The following IFT57 variants were observed in gnomAD, a reference collection of about 807,000 sequenced individuals.
The protein encoded by IFT57 is intraflagellar transport protein 57 homolog.
In IFT57, 59 loss-of-function variants were observed where a neutral mutation model predicts 56.8. That is an observed-to-expected ratio of 1.04 (90% CI 0.84 to 1.29). The LOEUF is 1.29. IFT57 is among the 50% of genes most tolerant of loss of function. IFT57 has a pLI of 0.00. For synonymous variants in IFT57, 209 were observed against 186.1 expected, an observed-to-expected ratio of 1.12 and a Z score of -1.00; for missense variants, 470 against 522.1, an observed-to-expected ratio of 0.90 and a Z score of 0.97.
intron 4 of IFT57, among the ~76,000 whole-genome samples, chr3:108,208,036 C>T (rs2080322860): frequency 6.8e-6 from 1 of 147,760 alleles, no homozygotes; most frequent in African/African-American, 2.5e-5. Context: ...GAGCGAGACT[C>T]CGTCTCAAAA....
At chr3:108,165,914 C>A (rs2080059989) in intron 8 of IFT57, among the ~76,000 whole-genome samples, 1 of 152,006 alleles carries the variant, frequency 6.6e-6, no homozygotes, top group South Asian at 2.1e-4. Context: ...TCCCGTAAGA[C>A]AGTACACTCA....
chr3:108,212,372 C>A (rs576970486), intron 4 of IFT57, among the ~76,000 whole-genome samples: 174 of 152,242 alleles, frequency 1.1e-3, no homozygotes, highest in African/African-American at 3.9e-3. Flanking sequence ...GCATGCCCAC[C>A]CAACAATTTT....
In IFT57 at chr3:108,191,520, C is replaced by A. The variant is rs775640428; in HGVS notation, c.777+1G>T. ...AAGAAAATGTGTTCCCACTTTGATACCTTATTGTCAGTCCTAATCGTGACT... is the reference window on the plus strand; with the variant it reads ...AAGAAAATGTGTTCCCACTTTGATAACTTATTGTCAGTCCTAATCGTGACT... On this transcript the variant is annotated splice_donor_variant, in intron 6 of 10. Transcript: ENST00000264538. LOFTEE classifies it high-confidence loss of function. 1.3e-6 allele frequency: 2 copies of A among 1,574,314 alleles called. No individual in the cohort carries two copies. Among genetic ancestry groups the A allele is most frequent in the African/African-American group, 1.4e-5 (1 of 72,676 alleles).
At chr3:108,204,686 A>C (rs2080299744) in intron 5 of IFT57, among the ~76,000 whole-genome samples, 1 of 152,192 alleles carries the variant, frequency 6.6e-6, no homozygotes, top group Non-Finnish European at 1.5e-5. Flanking sequence ...CACCAACATT[A>C]CTAATTACAA....
intron 5 of IFT57, among the ~76,000 whole-genome samples, chr3:108,193,240 G>A (rs2080225686): frequency 6.6e-6 from 1 of 152,022 alleles, no homozygotes; most frequent in Non-Finnish European, 1.5e-5. Context: ...TATTTTTGTG[G>A]GAGACTGAGG....
At chr3:108,217,189 G>A (rs1054211120) in intron 3 of IFT57, among the ~76,000 whole-genome samples, 1 of 151,828 alleles carries the variant, frequency 6.6e-6, no homozygotes, top group Non-Finnish European at 1.5e-5. Context: ...CACATGTATC[G>A]AAACATCACA....
intron 6 of IFT57, among the ~76,000 whole-genome samples, chr3:108,181,122 C>G (rs1231422932): frequency 6.6e-6 from 1 of 151,966 alleles, no homozygotes; most frequent in East Asian, 1.9e-4. Context: ...TAAACGGAAC[C>G]TTTCTCTGAT....
rs759005617 is a variant in IFT57, at chr3:108,167,812, G to C, written c.830C>G (p.Ser277Cys). ...QMHQHRSGIE[S>C]ALKETKGFLD... The stretch of plus-strand genomic sequence containing the variant: ...ATATACCTTGGTCTCCTTTAGAGCA[G>C]ATTCAATTCCACTTCTGTGCTGGTG... Residue 277 changes from serine to cysteine, a missense_variant, in exon 7 of 11, where the codon TCT (serine) becomes TGT (cysteine). Physicochemically the swap from Ser to Cys is moderately radical, Grantham distance 112. Coordinates refer to ENST00000264538, the MANE Select transcript of IFT57 (RefSeq NM_018010.4). 1.3e-6 allele frequency: 2 copies of C among 1,590,618 alleles called. No individual in the cohort carries two copies. Among genetic ancestry groups the C allele is most frequent in the Non-Finnish European group, 1.7e-6 (2 of 1,169,012 alleles).
chr3:108,166,092 A>C (rs938214940), intron 8 of IFT57, among the ~76,000 whole-genome samples: 2 of 152,072 alleles, frequency 1.3e-5, no homozygotes, highest in African/African-American at 4.8e-5. Context: ...AAAAGTGTAG[A>C]TTTCTATTTA....
chr3:108,195,622 T>C (rs1354642539), intron 5 of IFT57, among the ~76,000 whole-genome samples: 1 of 152,168 alleles, frequency 6.6e-6, no homozygotes, highest in African/African-American at 2.4e-5. Context: ...ATATACACAA[T>C]GGGATATTAT....
chr3:108,212,218 G>A (rs1177536789), intron 4 of IFT57, among the ~76,000 whole-genome samples: 1 of 151,918 alleles, frequency 6.6e-6, no homozygotes, highest in African/African-American at 2.4e-5. Context: ...CTGGCCTGAA[G>A]CAATCACCAT....
At chr3:108,187,116 C>T (rs1391884228) in intron 6 of IFT57, among the ~76,000 whole-genome samples, 5 of 152,030 alleles carry the variant, frequency 3.3e-5, no homozygotes, top group African/African-American at 7.2e-5. Context: ...TTACCAGGAA[C>T]ATTATAATCA....
intron 1 of IFT57, 69 bp from the exon 2 acceptor site, chr3:108,219,641 G>A: frequency 6.9e-7 from 1 of 1,455,076 alleles, no homozygotes; most frequent in African/African-American, 1.4e-5. Flanking sequence ...TAACTAATAG[G>A]GCCGAATTCA....
chr3:108,173,764 CTCTG>C (rs1323692388), intron 6 of IFT57, among the ~76,000 whole-genome samples: 1 of 101,604 alleles, frequency 9.8e-6, no homozygotes, highest in African/African-American at 4.2e-5. Flanking sequence ...AAGTCAGGGA[CTCTG>C]TGTGTGTGTG....
chr3:108,205,638 C>T (rs927204787), intron 5 of IFT57, among the ~76,000 whole-genome samples: 2 of 150,082 alleles, frequency 1.3e-5, no homozygotes, highest in Non-Finnish European at 3.0e-5. Context: ...AAACTAGATC[C>T]AAACTTGTCT....
chr3:108,181,400 G>A (rs2080150588), intron 6 of IFT57, among the ~76,000 whole-genome samples: 1 of 151,992 alleles, frequency 6.6e-6, no homozygotes, highest in Admixed American at 6.6e-5. Context: ...ACAACTTTAA[G>A]TCCACAAAAT....
chr3:108,180,750 G>T lies in IFT57; in HGVS notation c.777+10771C>A, dbSNP rs2080147426. Among the ~76,000 whole-genome samples, 4 of 151,976 alleles carry T rather than the reference G, an allele frequency of 2.6e-5. No individual in the cohort carries two copies. In the South Asian group the frequency reaches 6.2e-4, roughly 24 times the overall value. On this transcript the variant is annotated intron_variant, in intron 6 of 10. Coordinates refer to ENST00000264538, the MANE Select transcript of IFT57 (RefSeq NM_018010.4). ...CTCTAATATAATTGATTAGAAAAAT[G>T]AGTCAAGCCAATAAAAAGTATATTT...
chr3:108,163,623 C>T (rs376511856), intron 10 of IFT57, 40 bp downstream of exon 10: 2 of 1,393,282 alleles, frequency 1.4e-6, no homozygotes, highest in South Asian at 1.2e-5. Flanking sequence ...AGCTATTTTT[C>T]TCTTGCTCAG....
At chr3:108,179,050 A>G (rs915785566) in intron 6 of IFT57, among the ~76,000 whole-genome samples, 3 of 151,872 alleles carry the variant, frequency 2.0e-5, no homozygotes, top group Non-Finnish European at 4.4e-5. Flanking sequence ...TGCAGGAAGG[A>G]TGAGACCTTG....
Sources: gnomAD v4.1 joint callset for allele counts (sites outside exome capture counted in the v4.1 genomes callset) on GRCh38, gnomAD v4.1.1 for gene constraint, MANE v1.5 for transcripts, NCBI Gene and HGNC (gene_info 2026-07-23, HGNC 2026-07-21) for gene names.